The following GALNT2 variants were observed in gnomAD, a reference collection of about 807,000 sequenced individuals.
The protein encoded by GALNT2 is UDP-GalNAc:polypeptide N-acetylgalactosaminyltransferase 2.
Under a neutral mutation model 81.4 loss-of-function variants are expected in GALNT2, and 31 were observed. The observed-to-expected ratio is 0.38, with a 90% CI of 0.29 to 0.51. GALNT2 has a LOEUF of 0.51. Among genes scored for constraint, GALNT2 ranks in the 20% least tolerant of loss-of-function variants. GALNT2 has a pLI of 0.87. For missense variants in GALNT2, 629 were observed against 765.7 expected, an observed-to-expected ratio of 0.82 and a Z score of 2.11; for synonymous variants, 303 against 287.4, an observed-to-expected ratio of 1.05 and a Z score of -0.55.
chr1:230,273,085 CT>C (rs1666196202), intron 14 of GALNT2, among the ~76,000 whole-genome samples: 3 of 152,224 alleles, frequency 2.0e-5, no homozygotes, highest in African/African-American at 7.2e-5. Context: ...GCATCTTCAC[CT>C]TTTAATGTTT....
In GALNT2 at chr1:230,083,346, G is replaced by A. The variant is rs990332738; in HGVS notation, c.126+15940G>A. Among the ~76,000 whole-genome samples, 3 of 149,566 alleles carry A rather than the reference G, an allele frequency of 2.0e-5. No individual in the cohort carries two copies. In the East Asian group the frequency reaches 6.0e-4, roughly 30 times the overall value. ...GCGAGGATGATGGAGCAGGGGAGCCGGGATGAGGGAGCAGGCAGCTGGGAT... is the reference window on the plus strand; with the variant it reads ...GCGAGGATGATGGAGCAGGGGAGCCAGGATGAGGGAGCAGGCAGCTGGGAT... On this transcript the variant is annotated intron_variant, in intron 1 of 15. Coordinates refer to ENST00000366672, the MANE Select transcript of GALNT2 (RefSeq NM_004481.5).
At chr1:230,103,805 G>T (rs1660466100) in intron 1 of GALNT2, among the ~76,000 whole-genome samples, 1 of 151,970 alleles carries the variant, frequency 6.6e-6, no homozygotes, top group Non-Finnish European at 1.5e-5. Context: ...TCTGAAACAA[G>T]TTAGCTGGTT....
At chr1:230,109,978 C>CA (rs1660656195) in intron 1 of GALNT2, among the ~76,000 whole-genome samples, 6 of 152,228 alleles carry the variant, frequency 3.9e-5, no homozygotes, top group Admixed American at 3.9e-4. Context: ...TGTTTCCTGT[C>CA]ACGCAGATCA....
intron 1 of GALNT2, among the ~76,000 whole-genome samples, chr1:230,087,723 A>G (rs1010872795): frequency 1.3e-5 from 2 of 152,170 alleles, no homozygotes; most frequent in African/African-American, 4.8e-5. Context: ...GTAACTGCTG[A>G]TGGTCATGGA....
chr1:230,155,886 A>G (rs1322617093), intron 1 of GALNT2, among the ~76,000 whole-genome samples: 1 of 152,130 alleles, frequency 6.6e-6, no homozygotes, highest in Non-Finnish European at 1.5e-5. Context: ...CTTGCTTTAA[A>G]AGGACTAATT....
intron 2 of GALNT2, among the ~76,000 whole-genome samples, chr1:230,180,729 C>T (rs1177003979): frequency 6.6e-6 from 1 of 152,148 alleles, no homozygotes; most frequent in African/African-American, 2.4e-5. Context: ...ACCATATTGT[C>T]TTACTCCCCA....
chr1:230,090,746 A>G (rs1660046893), intron 1 of GALNT2, among the ~76,000 whole-genome samples: 2 of 152,356 alleles, frequency 1.3e-5, no homozygotes, highest in South Asian at 2.1e-4. Context: ...ATTTTCTTCA[A>G]AAGATCTTAT....
intron 2 of GALNT2, among the ~76,000 whole-genome samples, chr1:230,197,039 G>A (rs906684395): frequency 1.3e-5 from 2 of 151,976 alleles, no homozygotes; most frequent in African/African-American, 2.4e-5. Flanking sequence ...ATTTTGTAGT[G>A]GGCTGTGTCT....
intron 2 of GALNT2, among the ~76,000 whole-genome samples, chr1:230,183,422 T>A (rs1663221734): frequency 6.6e-6 from 1 of 152,208 alleles, no homozygotes; most frequent in Admixed American, 6.5e-5. Flanking sequence ...ATTTTCTCTC[T>A]CTTCTCAGCA....
At chr1:230,085,240 A>G (rs539499972) in intron 1 of GALNT2, among the ~76,000 whole-genome samples, 10 of 152,268 alleles carry the variant, frequency 6.6e-5, no homozygotes, top group Admixed American at 6.5e-4. Flanking sequence ...GGGCAGACAC[A>G]CCTGAATGTG....
chr1:230,272,172 C>T (rs1666175316), intron 14 of GALNT2, among the ~76,000 whole-genome samples: 1 of 152,196 alleles, frequency 6.6e-6, no homozygotes, highest in Non-Finnish European at 1.5e-5. Context: ...TGATGTCACA[C>T]TGTCCTAGAG....
chr1:230,062,683 T>C (rs1267191628), upstream of GALNT2, among the ~76,000 whole-genome samples: 7 of 152,238 alleles, frequency 4.6e-5, no homozygotes, highest in African/African-American at 1.7e-4. Flanking sequence ...TGGTATGTGT[T>C]AGAATTTTCT....
At chr1:230,137,918 A>G (rs1661602383) in intron 1 of GALNT2, among the ~76,000 whole-genome samples, 2 of 152,184 alleles carry the variant, frequency 1.3e-5, no homozygotes, top group South Asian at 2.1e-4. Flanking sequence ...CAGCATTATT[A>G]TCGTTTCCTA....
intron 3 of GALNT2, among the ~76,000 whole-genome samples, chr1:230,224,780 A>G (rs547445287): frequency 9.2e-5 from 14 of 152,284 alleles, no homozygotes; most frequent in Admixed American, 5.9e-4. Flanking sequence ...TGGCTTTTCA[A>G]TGAGATTAGA....
At chr1:230,236,237 C>A in intron 4 of GALNT2, 116 bp from the exon 5 acceptor site, 1 of 1,333,768 alleles carries the variant, frequency 7.5e-7, no homozygotes, top group Non-Finnish European at 1.1e-6. Context: ...GCACAGGGTG[C>A]AGTGTGTAGC....
intron 3 of GALNT2, among the ~76,000 whole-genome samples, chr1:230,205,491 T>C (rs1664032652): frequency 6.6e-6 from 1 of 152,202 alleles, no homozygotes; most frequent in African/African-American, 2.4e-5. Flanking sequence ...GATTAATGTT[T>C]CCTGTCATCC....
At chr1:230,200,799 G>A (rs1420200818) in intron 2 of GALNT2, among the ~76,000 whole-genome samples, 1 of 152,202 alleles carries the variant, frequency 6.6e-6, no homozygotes, top group African/African-American at 2.4e-5. Context: ...ACCTCTCTCG[G>A]GTGGTGGTCT....
At chr1:230,132,033 A>AG (rs1553259476) in intron 1 of GALNT2, among the ~76,000 whole-genome samples, 2 of 152,146 alleles carry the variant, frequency 1.3e-5, no homozygotes, top group African/African-American at 2.4e-5. Flanking sequence ...GTAGAAGCTT[A>AG]GGGGGGCTGC....
At chr1:230,199,167 A>G (rs999821166) in intron 2 of GALNT2, among the ~76,000 whole-genome samples, 5 of 152,184 alleles carry the variant, frequency 3.3e-5, no homozygotes, top group Admixed American at 6.5e-5. Flanking sequence ...ATGACATGTC[A>G]TATTTTTAGG....
Sources: allele counts gnomAD v4.1 joint callset (sites outside exome capture counted in the v4.1 genomes callset), GRCh38; gene constraint gnomAD v4.1.1; transcripts MANE v1.5; gene names NCBI Gene and HGNC (gene_info 2026-07-23, HGNC 2026-07-21).